Variants in MDGA2 observed in about 807,000 individuals in gnomAD.
The protein encoded by MDGA2 is MAM domain containing glycosylphosphatidylinositol anchor 2.
In MDGA2, 40 loss-of-function variants were observed where a neutral mutation model predicts 117.8. The ratio of observed to expected loss-of-function variants is 0.34; its 90% CI spans 0.26 to 0.44. The LOEUF is 0.44. Among genes scored for constraint, MDGA2 ranks in the 20% least tolerant of loss-of-function variants. The pLI is 1.00. For synonymous variants in MDGA2, 452 were observed against 439.0 expected, an observed-to-expected ratio of 1.03 and a Z score of -0.37; for missense variants, 1,123 against 1,250.6, an observed-to-expected ratio of 0.90 and a Z score of 1.54.
intron 1 of MDGA2, among the ~76,000 whole-genome samples, chr14:47,642,694 T>A (rs571756887): frequency 1.3e-5 from 2 of 152,194 alleles, no homozygotes; most frequent in African/African-American, 4.8e-5. Context: ...CTCTAGATGA[T>A]AATATCTGTA....
intron 1 of MDGA2, among the ~76,000 whole-genome samples, chr14:47,375,915 C>T (rs1291651230): frequency 6.6e-6 from 1 of 152,124 alleles, no homozygotes; most frequent in Non-Finnish European, 1.5e-5. Context: ...AATCTATTAC[C>T]TATTACCATG....
chr14:47,438,954 C>A (rs1393242268), intron 1 of MDGA2, among the ~76,000 whole-genome samples: 1 of 152,134 alleles, frequency 6.6e-6, no homozygotes, highest in Non-Finnish European at 1.5e-5. Flanking sequence ...TCTTCGCCAA[C>A]TAAATCTTTC....
At chr14:47,241,836 A>G (rs938328076) in intron 2 of MDGA2, among the ~76,000 whole-genome samples, 1 of 151,884 alleles carries the variant, frequency 6.6e-6, no homozygotes. Flanking sequence ...ATTTTTGCAT[A>G]GGGGAACAAA....
At chr14:47,087,302 A>T (rs1566616220) in intron 6 of MDGA2, among the ~76,000 whole-genome samples, 1 of 151,418 alleles carries the variant, frequency 6.6e-6, no homozygotes, top group Non-Finnish European at 1.5e-5. Flanking sequence ...ATCACCTGAG[A>T]TCAGGTGTTC....
chr14:47,375,477 G>A (rs1247832404), intron 1 of MDGA2, among the ~76,000 whole-genome samples: 1 of 151,824 alleles, frequency 6.6e-6, no homozygotes, highest in South Asian at 2.1e-4. Flanking sequence ...CCAAACTGAT[G>A]TACTCATGAT....
chr14:47,109,100 C>CT (rs1880897663), intron 5 of MDGA2, among the ~76,000 whole-genome samples: 1 of 152,162 alleles, frequency 6.6e-6, no homozygotes, highest in African/African-American at 2.4e-5. Flanking sequence ...AGAGGGTCAG[C>CT]TCCCATAGAG....
chr14:47,113,673 A>T (rs1009033653), intron 5 of MDGA2, among the ~76,000 whole-genome samples: 22 of 152,180 alleles, frequency 1.4e-4, no homozygotes, highest in African/African-American at 5.3e-4. Flanking sequence ...TTATCTCAAC[A>T]GACACCAAAA....
chr14:47,288,887 T>C (rs1888779480), intron 2 of MDGA2, among the ~76,000 whole-genome samples: 1 of 152,150 alleles, frequency 6.6e-6, no homozygotes, highest in African/African-American at 2.4e-5. Flanking sequence ...AAGATTGTTA[T>C]TCCTTACTGA....
chr14:47,518,380 G>A (rs553290234), intron 1 of MDGA2, among the ~76,000 whole-genome samples: 68 of 152,024 alleles, frequency 4.5e-4, no homozygotes, highest in Admixed American at 1.7e-3. Flanking sequence ...AAAAACACAC[G>A]TTAATGTTAT....
intron 1 of MDGA2, among the ~76,000 whole-genome samples, chr14:47,373,721 T>C: frequency 6.6e-6 from 1 of 151,854 alleles, no homozygotes; most frequent in African/African-American, 2.4e-5. Flanking sequence ...GGACAGGAGG[T>C]GAAAATGTTC....
chr14:47,214,529 T>C (rs1031510727), intron 3 of MDGA2, among the ~76,000 whole-genome samples: 2 of 152,098 alleles, frequency 1.3e-5, no homozygotes, highest in Non-Finnish European at 2.9e-5. Context: ...ATAAAATCTA[T>C]ATACCTTAAT....
chr14:47,294,415 A>T (rs1888993888), intron 2 of MDGA2, among the ~76,000 whole-genome samples: 1 of 152,180 alleles, frequency 6.6e-6, no homozygotes, highest in African/African-American at 2.4e-5. Flanking sequence ...AATTTTTTTA[A>T]AAATAAATGT....
intron 1 of MDGA2, among the ~76,000 whole-genome samples, chr14:47,600,226 T>C (rs1401249055): frequency 1.3e-5 from 2 of 151,966 alleles, no homozygotes; most frequent in Non-Finnish European, 2.9e-5. Context: ...TGAAACCCTG[T>C]CTGCACTAAA....
At chr14:47,395,453 A>G (rs1350976157) in intron 1 of MDGA2, among the ~76,000 whole-genome samples, 1 of 152,150 alleles carries the variant, frequency 6.6e-6, no homozygotes, top group Non-Finnish European at 1.5e-5. Flanking sequence ...AATATACTTA[A>G]ATTTCTGACT....
chr14:47,528,226 C>A (rs1427476012), intron 1 of MDGA2, among the ~76,000 whole-genome samples: 1 of 151,746 alleles, frequency 6.6e-6, no homozygotes, highest in Non-Finnish European at 1.5e-5. Flanking sequence ...AAACACGGCA[C>A]TGCTAACAGT....
chr14:47,543,040 T>C (rs930004527), intron 1 of MDGA2, among the ~76,000 whole-genome samples: 2 of 152,052 alleles, frequency 1.3e-5, no homozygotes, highest in African/African-American at 2.4e-5. Flanking sequence ...CAAAAACCTG[T>C]CTTTACAAAA....
downstream of MDGA2, among the ~76,000 whole-genome samples, chr14:46,839,784 A>G (rs901621195): frequency 2.0e-5 from 3 of 151,968 alleles, no homozygotes; most frequent in African/African-American, 7.2e-5. Context: ...AATTTAAAGG[A>G]CTTGGTTCAG....
At chr14:47,225,462 C>T (rs1401935904) in intron 2 of MDGA2, among the ~76,000 whole-genome samples, 2 of 151,878 alleles carry the variant, frequency 1.3e-5, no homozygotes, top group Admixed American at 6.6e-5. Context: ...ACATAGACAC[C>T]ACGGAATACT....
chr14:46,890,158 A>G (rs1371248925), intron 10 of MDGA2, among the ~76,000 whole-genome samples: 1 of 151,846 alleles, frequency 6.6e-6, no homozygotes, highest in Non-Finnish European at 1.5e-5. Context: ...CATGACCTCT[A>G]TTTGATTTAA....
Sources: allele counts gnomAD v4.1 joint callset (sites outside exome capture counted in the v4.1 genomes callset), GRCh38; gene constraint gnomAD v4.1.1; transcripts MANE v1.5; gene names NCBI Gene and HGNC (gene_info 2026-07-23, HGNC 2026-07-21).